The following PRKCH variants were observed in gnomAD, a reference collection of about 807,000 sequenced individuals.
The protein encoded by PRKCH is protein kinase C eta type.
Under a neutral mutation model 82.5 loss-of-function variants are expected in PRKCH, and 28 were observed. That is an observed-to-expected ratio of 0.34 (90% confidence interval 0.25 to 0.47). The LOEUF (loss-of-function observed/expected upper bound fraction) is 0.47, where lower values mean the gene tolerates loss of function less well. Among genes scored for constraint, PRKCH ranks in the 20% least tolerant of loss-of-function variants. PRKCH has a pLI of 1.00. For synonymous variants in PRKCH, 322 were observed against 327.4 expected (o/e 0.98, Z 0.18); for missense variants, 705 against 881.8 (o/e 0.80, Z 2.54).
rs150170900 is a variant in PRKCH at position 61,357,316 on chromosome 14, C to T, written c.364-33909C>T. On this transcript the variant is annotated intron_variant, in intron 1 of 13. Transcript: ENST00000332981. ...ACTCTTTTAACATATGACTTTGTAT[C>T]TGACTTTACTAAGCAACTTGAAACT... 9.2e-3 allele frequency among the ~76,000 whole-genome samples: 1,400 copies of T among 152,354 alleles called. 15 individuals carry two copies. Among genetic ancestry groups the T allele is most frequent in the Admixed American group, 0.017 (267 of 15,308 alleles).
At chr14:61,430,039 G>T (rs1223747503) in intron 2 of PRKCH, among the ~76,000 whole-genome samples, 1 of 152,108 alleles carries the variant, frequency 6.6e-6, no homozygotes, top group African/African-American at 2.4e-5. Flanking sequence ...AAATTCCATG[G>T]AATCAAGAGT....
rs560403588 is a variant in PRKCH at position 61,384,330 on chromosome 14, G to A, written c.364-6895G>A. ...GCTCAGGCTTCCCAGATGGTGGTCCGTGGTCTGGCTATATCAGAGTTACCT... is the reference window on the plus strand; with the variant it reads ...GCTCAGGCTTCCCAGATGGTGGTCCATGGTCTGGCTATATCAGAGTTACCT... On this transcript the variant is annotated intron_variant, in intron 1 of 13. Transcript: ENST00000332981. Among the ~76,000 whole-genome samples, 6 of 152,268 alleles carry A rather than the reference G, an allele frequency of 3.9e-5. No homozygotes were observed. In the East Asian group the frequency reaches 5.8e-4, roughly 15 times the overall value.
At chr14:61,401,699 A>T (rs926105719) in intron 2 of PRKCH, among the ~76,000 whole-genome samples, 2 of 152,254 alleles carry the variant, frequency 1.3e-5, no homozygotes. Flanking sequence ...AACATTATTC[A>T]TGTTATTAAA....
chr14:61,232,508 A>T (rs953334883), intron 1 of PRKCH, among the ~76,000 whole-genome samples: 1 of 152,234 alleles, frequency 6.6e-6, no homozygotes, highest in Non-Finnish European at 1.5e-5. Context: ...GGCGTGAGCC[A>T]CCGTGCCCGG....
intron 1 of PRKCH, among the ~76,000 whole-genome samples, chr14:61,311,917 C>T (rs181941984): frequency 6.4e-4 from 97 of 152,226 alleles, no homozygotes; most frequent in Non-Finnish European, 1.1e-3. Flanking sequence ...GGAGAAAGAG[C>T]CCCTTATAAA....
intron 8 of PRKCH, 40 bp downstream of exon 8, chr14:61,457,359 G>T (rs1884821432): frequency 6.2e-7 from 1 of 1,610,842 alleles, no homozygotes; most frequent in Non-Finnish European, 8.5e-7. Context: ...AAGTAAGTGT[G>T]CTCTGTGTAT....
chr14:61,280,006 A>T lies in PRKCH; in HGVS notation c.-19+92338A>T. On this transcript the variant is annotated intron_variant, in intron 1 of 3. Transcript: ENST00000555185. The surrounding 1 kb of genome is among the most constrained non-coding windows in gnomAD (Gnocchi z 5.0). ...GGGAGGAAAAGCTAGGCGAGGTTGG[A>T]ATTGGGTGACGGGCGAGGAGGAGAT... is the stretch of plus-strand genomic sequence containing the variant. 1 of 1,194,456 alleles carries T rather than the reference A, an allele frequency of 8.4e-7. No individual in the cohort carries two copies. The highest frequency in any genetic ancestry group is 2.7e-5 in the Admixed American group (1 of 37,392). The allele number at this position is 1,194,456 out of a possible 1,614,324, so 74.0% of individuals were successfully genotyped here. A position where few individuals can be genotyped will look rare whatever the true frequency, so the allele number is the denominator to read the frequency against.
intron 2 of PRKCH, among the ~76,000 whole-genome samples, chr14:61,410,615 A>G (rs976178921): frequency 3.9e-5 from 6 of 152,350 alleles, no homozygotes; most frequent in Admixed American, 6.5e-5. Flanking sequence ...TGAGGCAAAG[A>G]GCACTGGTGT....
chr14:61,472,309 T>C (rs1016999409), intron 9 of PRKCH, among the ~76,000 whole-genome samples: 6 of 152,272 alleles, frequency 3.9e-5, no homozygotes, highest in African/African-American at 1.4e-4. Flanking sequence ...TAGCATTTAA[T>C]AATTACACTT....
intron 2 of PRKCH, among the ~76,000 whole-genome samples, chr14:61,433,052 A>AAAAAAAAAC (rs1883495851): frequency 6.7e-6 from 1 of 149,644 alleles, no homozygotes; most frequent in African/African-American, 2.5e-5. Flanking sequence ...TCAAAAAAAA[A>AAAAAAAAAC]AAAAAAAAAC....
At chr14:61,411,925 T>G (rs999721018) in intron 2 of PRKCH, among the ~76,000 whole-genome samples, 13 of 152,280 alleles carry the variant, frequency 8.5e-5, no homozygotes, top group African/African-American at 3.1e-4. Context: ...ACTGGAAAAC[T>G]TCAAGAGTCA....
At chr14:61,299,739 A>C (rs1452898997) in intron 1 of PRKCH, 1 of 152,198 alleles carries the variant, frequency 6.6e-6, no homozygotes, top group African/African-American at 2.4e-5. Context: ...ATCTCCCATG[A>C]GACCTTTTTT....
chr14:61,437,679 G>A (rs1164715022), intron 2 of PRKCH, among the ~76,000 whole-genome samples: 2 of 151,976 alleles, frequency 1.3e-5, no homozygotes, highest in Non-Finnish European at 2.9e-5. Flanking sequence ...AGGGTGTGTG[G>A]AAGATTTTAG....
intron 1 of PRKCH, among the ~76,000 whole-genome samples, chr14:61,330,735 C>G (rs1472477850): frequency 1.3e-5 from 2 of 152,168 alleles, no homozygotes; most frequent in African/African-American, 2.4e-5. Context: ...GAAACCAACT[C>G]TCTTGACTCA....
chr14:61,384,002 G>A (rs2046550048), intron 1 of PRKCH, among the ~76,000 whole-genome samples: 1 of 152,142 alleles, frequency 6.6e-6, no homozygotes, highest in Non-Finnish European at 1.5e-5. Flanking sequence ...GGCTTTAGAG[G>A]GGGAAGTTGA....
intron 2 of PRKCH, among the ~76,000 whole-genome samples, chr14:61,432,846 T>C (rs1883472300): frequency 6.6e-6 from 1 of 151,746 alleles, no homozygotes; most frequent in African/African-American, 2.4e-5. Context: ...AGTCCTGAGA[T>C]AATAGGCGTG....
intron 1 of PRKCH, among the ~76,000 whole-genome samples, chr14:61,212,658 GTCAT>G (rs1209600582): frequency 1.3e-5 from 2 of 152,210 alleles, no homozygotes; most frequent in Admixed American, 1.3e-4. Context: ...GAGGTAGTAA[GTCAT>G]TCATTCATTC....
chr14:61,464,358 G>T (rs1885159930), intron 9 of PRKCH, among the ~76,000 whole-genome samples: 1 of 150,140 alleles, frequency 6.7e-6, no homozygotes, highest in Non-Finnish European at 1.5e-5. Context: ...GGCCATTTGT[G>T]TGTGTGGTTT....
intron 4 of PRKCH, among the ~76,000 whole-genome samples, chr14:61,446,962 C>T (rs983855590): frequency 2.0e-5 from 3 of 152,208 alleles, no homozygotes; most frequent in Non-Finnish European, 4.4e-5. Context: ...CAGTGGGTCA[C>T]CTGCTATGTA....
Sources: gnomAD v4.1 joint callset for allele counts (sites outside exome capture counted in the v4.1 genomes callset) on GRCh38, gnomAD v4.1.1 for gene constraint, Gnocchi (gnomAD v3.1) non-coding constraint, MANE v1.5 for transcripts, NCBI Gene and HGNC (gene_info 2026-07-23, HGNC 2026-07-21) for gene names.